The following APOD variants were observed in gnomAD, a reference collection of about 807,000 sequenced individuals.
APOD encodes apo-D.
A neutral mutation model predicts 20.4 loss-of-function variants in APOD; 22 were observed. The ratio of observed to expected loss-of-function variants is 1.08; its 90% CI spans 0.77 to 1.54. APOD has a LOEUF of 1.54. APOD is among the 40% of genes most tolerant of loss of function. The pLI is 0.00. For synonymous variants in APOD, 97 were observed against 92.4 expected, an observed-to-expected ratio of 1.05 and a Z score of -0.29; for missense variants, 223 against 229.6, an observed-to-expected ratio of 0.97 and a Z score of 0.19.
At chr3:195,579,230 C>T in intron 2 of APOD, 109 bp downstream of exon 2, 1 of 1,505,702 alleles carries the variant, frequency 6.6e-7, no homozygotes, top group Non-Finnish European at 9.0e-7. Flanking sequence ...AAGATAAATA[C>T]TTGTCCCAAG....
rs1560456911 is a variant in APOD, at chr3:195,568,836, G to GC, written c.*63_*64insG. On this transcript the variant is annotated 3_prime_UTR_variant, in exon 5 of 5. Coordinates refer to ENST00000343267, the MANE Select transcript of APOD (RefSeq NM_001647.4). ...GGTTGATTGGTTTGTCTTTATGGGG[G>GC]GGGGGTAGGGGAAAGCGAAGCAGAA... 654 of 1,073,032 alleles carry GC rather than the reference G, an allele frequency of 6.1e-4. 14 individuals are homozygous for GC. The African/African-American group carries it at 1.0e-2, about 16-fold the overall frequency. 66.5% of individuals were successfully genotyped at this position (1,073,032 alleles called of 1,614,324 possible). A position where few individuals can be genotyped will look rare whatever the true frequency, so the allele number is the denominator to read the frequency against.
At position 195,568,930 on chromosome 3, in the gene APOD, T is replaced by G. The variant is rs762785858; in HGVS notation, c.540A>C (p.Thr180=). The G allele has an allele frequency of 1.2e-6, 2 of 1,614,124 alleles. No individual in the cohort carries two copies. Among genetic ancestry groups the G allele is most frequent in the South Asian group, 2.2e-5 (2 of 91,076 alleles). ...AGAGCTTGGGGCAGTTCACCTGGTC[T>G]GTGACCGTCATTTTCTTGACATCAA... ...NNIDVKKMTV[T]DQVNCPKLS Residue 180 remains threonine (T), a synonymous_variant, in exon 5 of 5, where the codon ACA becomes ACC. Coordinates refer to ENST00000343267, the MANE Select transcript of APOD (RefSeq NM_001647.4).
intron 3 of APOD, among the ~76,000 whole-genome samples, chr3:195,572,906 A>G (rs902371026): frequency 1.3e-5 from 2 of 152,036 alleles, no homozygotes; most frequent in Non-Finnish European, 2.9e-5. Flanking sequence ...GTTAGTGGTG[A>G]CGGATGTCCT....
chr3:195,571,178 T>C, intron 4 of APOD, 99 bp downstream of exon 4: 1 of 970,118 alleles, frequency 1.0e-6, no homozygotes, highest in South Asian at 1.3e-5. Context: ...TGATTATAGA[T>C]GACACTCAGG....
chr3:195,569,208 G>T, intron 4 of APOD, 73 bp from the exon 5 acceptor site: 1 of 1,356,144 alleles, frequency 7.4e-7, no homozygotes, highest in Non-Finnish European at 1.0e-6. Flanking sequence ...CAAGAAGGCT[G>T]GCCCAGACAA....
intron 2 of APOD, among the ~76,000 whole-genome samples, chr3:195,575,694 C>A (rs996087628): frequency 6.6e-6 from 1 of 152,094 alleles, no homozygotes; most frequent in Non-Finnish European, 1.5e-5. Context: ...GTAGTGCAAT[C>A]TGGGCTCACT....
At position 195,569,050 on chromosome 3, in the gene APOD, A is replaced by C. The variant is rs11539684; in HGVS notation, c.420T>G (p.Leu140=). The C allele has an allele frequency of 2.5e-6, 4 of 1,614,130 alleles. No individual in the cohort carries two copies. The South Asian group carries it at 3.3e-5, about 13-fold the overall frequency. Residue 140 remains leucine, a synonymous_variant, in exon 5 of 5, where the codon CTT becomes CTG. Coordinates refer to ENST00000343267, the MANE Select transcript of APOD (RefSeq NM_001647.4). ...AGATCCAAGCAAAATCCACGTGAAA[A>C]AGTTGGATGATGCAGGTACAGGAAT... ...LVYSCTCIIQ[L]FHVDFAWILA...
chr3:195,572,328 A>G (rs1477290290), intron 3 of APOD, among the ~76,000 whole-genome samples: 2 of 152,230 alleles, frequency 1.3e-5, no homozygotes, highest in African/African-American at 2.4e-5. Flanking sequence ...AGAAACATTT[A>G]CTTTATCTCA....
chr3:195,581,560 T>C (rs1720338608), intron 1 of APOD, among the ~76,000 whole-genome samples: 1 of 152,148 alleles, frequency 6.6e-6, no homozygotes, highest in Admixed American at 6.5e-5. Flanking sequence ...GGTGTACAGA[T>C]GGGGAAGCTG....
In APOD at chr3:195,581,219, G is replaced by C. The variant is rs116624268; in HGVS notation, c.-34-1724C>G. 4.9e-3 allele frequency among the ~76,000 whole-genome samples: 744 copies of C among 152,254 alleles called. 8 individuals carry two copies. The highest frequency in any genetic ancestry group is 0.017 in the African/African-American group (715 of 41,540). On this transcript the variant is annotated intron_variant, in intron 1 of 4. Coordinates refer to ENST00000343267, the MANE Select transcript of APOD (RefSeq NM_001647.4). ...AGCTTGCCAGCTGGGGTTGCTGCAG[G>C]GGGAGATGGTTGCTGAGGCCCCTTT...
In APOD at chr3:195,579,432, T is replaced by A; in HGVS notation, c.30A>T (p.Ala10=). The change falls in exon 2 of 5, where the codon GCA becomes GCT. Residue 10 remains alanine, a synonymous_variant. Coordinates refer to ENST00000343267, the MANE Select transcript of APOD (RefSeq NM_001647.4). The part of the protein sequence containing the change: MVMLLLLLS[A]LAGLFGAAEG... ...CTGCCGCACCGAAGAGGCCAGCCAG[T>A]GCGGAAAGCAGCAGCAGCAGCATCA... is the stretch of plus-strand genomic sequence containing the variant. 1 of 1,613,942 alleles carries A rather than the reference T, an allele frequency of 6.2e-7. No individual in the cohort carries two copies. The highest frequency in any genetic ancestry group is 8.5e-7 in the Non-Finnish European group (1 of 1,180,018).
In APOD at chr3:195,583,872, A is replaced by G. The variant is rs998638413; in HGVS notation, c.-35+6T>C. 3 of 152,202 alleles carry G rather than the reference A, an allele frequency of 2.0e-5. No individual in the cohort carries two copies. The highest frequency in any genetic ancestry group is 7.2e-5 in the African/African-American group (3 of 41,426). 9.4% of individuals were successfully genotyped at this position (152,202 alleles called of 1,614,324 possible). A position where few individuals can be genotyped will look rare whatever the true frequency, so the allele number is the denominator to read the frequency against. On this transcript the variant is annotated splice_donor_region_variant and intron_variant, in intron 1 of 4. Transcript: ENST00000343267. Reference sequence around the variant, plus strand: ...TAAATGAAAAGCTTAAAACTACAGTACATACCTTTTCTTTCAAGATGAAGG... The same window carrying G: ...TAAATGAAAAGCTTAAAACTACAGTGCATACCTTTTCTTTCAAGATGAAGG...
chr3:195,568,957 G>A lies in APOD; in HGVS notation c.513C>T (p.Asn171=). Reference sequence around the variant, plus strand: ...TGACCGTCATTTTCTTGACATCAATGTTATTAGAAGTCAGGATATTTTTTA... The same window carrying A: ...TGACCGTCATTTTCTTGACATCAATATTATTAGAAGTCAGGATATTTTTTA... ...DSLKNILTSN[N]IDVKKMTVTD... The change falls in exon 5 of 5, where the codon AAC becomes AAT. Residue 171 remains asparagine, a synonymous_variant. Coordinates refer to ENST00000343267, the MANE Select transcript of APOD (RefSeq NM_001647.4). 6.2e-7 allele frequency: 1 copy of A among 1,614,126 alleles called. No homozygotes were observed. Among genetic ancestry groups the A allele is most frequent in the Non-Finnish European group, 8.5e-7 (1 of 1,180,006 alleles).
Position 195,571,366 on chromosome 3 carries a change from C to T in APOD, c.246-1G>A. The T allele has an allele frequency of 6.2e-7, 1 of 1,606,004 alleles. No individual in the cohort carries two copies. The highest frequency in any genetic ancestry group is 8.5e-7 in the Non-Finnish European group (1 of 1,177,360). Reference sequence around the variant, plus strand: ...GATTTGATTCACAGTTCCATCAGCTCTGCAGTGAGTTAAAAAAAGAAAAAA... The same window carrying T: ...GATTTGATTCACAGTTCCATCAGCTTTGCAGTGAGTTAAAAAAAGAAAAAA... On this transcript the variant is annotated splice_acceptor_variant, in intron 3 of 4. Transcript: ENST00000343267. LOFTEE classifies it high-confidence loss of function.
intron 2 of APOD, among the ~76,000 whole-genome samples, chr3:195,575,918 G>A (rs951651497): frequency 3.3e-5 from 5 of 152,114 alleles, no homozygotes; most frequent in Admixed American, 2.0e-4. Flanking sequence ...GAGCCACCGC[G>A]CCTGGCCTAT....
Position 195,583,858 on chromosome 3 carries a change from C to G in APOD, c.-35+20G>C, listed in dbSNP as rs1159338760. ...AGACATTATTATCATAAATGAAAAGCTTAAAACTACAGTACATACCTTTTC... is the reference window on the plus strand; with the variant it reads ...AGACATTATTATCATAAATGAAAAGGTTAAAACTACAGTACATACCTTTTC... On this transcript the variant is annotated intron_variant, in intron 1 of 4. Transcript: ENST00000343267. 1 of 142,272 alleles carries G rather than the reference C, an allele frequency of 7.0e-6. No homozygotes were observed. The highest frequency in any genetic ancestry group is 3.1e-5 in the African/African-American group (1 of 32,106). 8.8% of individuals were successfully genotyped at this position (142,272 alleles called of 1,614,324 possible).
At chr3:195,571,404 AAAGAG>A in intron 3 of APOD, 39 bp from the exon 4 acceptor site, 1 of 1,565,262 alleles carries the variant, frequency 6.4e-7, no homozygotes, top group Non-Finnish European at 8.7e-7. Flanking sequence ...CAAAAAACGA[AAAGAG>A]AAAAGAAAAA....
chr3:195,582,375 T>C (rs897118960), intron 1 of APOD, among the ~76,000 whole-genome samples: 3 of 152,152 alleles, frequency 2.0e-5, no homozygotes, highest in Non-Finnish European at 4.4e-5. Context: ...TATTTTTGCA[T>C]CTTCTTCTGA....
At position 195,571,119 on chromosome 3, in the gene APOD, C is replaced by T. The variant is rs544148771; in HGVS notation, c.334+158G>A. The T allele has an allele frequency of 5.5e-5, 39 of 706,450 alleles. No homozygotes were observed. In the South Asian group the frequency reaches 6.2e-4, roughly 11 times the overall value. 43.8% of individuals were successfully genotyped at this position (706,450 alleles called of 1,614,324 possible). ...GCTCTGTCCGGCTCATCATGGCAAC[C>T]CTAGTGCGTGACATGTAGTAAGTGT... On this transcript the variant is annotated intron_variant, in intron 4 of 4. Transcript: ENST00000343267.
Sources: gnomAD v4.1 joint callset for allele counts (sites outside exome capture counted in the v4.1 genomes callset) on GRCh38, gnomAD v4.1.1 for gene constraint, MANE v1.5 for transcripts, NCBI Gene and HGNC (gene_info 2026-07-23, HGNC 2026-07-21) for gene names.